LAMA3: variants seen among roughly 807,000 people sequenced by gnomAD.
LAMA3 encodes the protein laminin subunit alpha 3, also known as laminin subunit alpha-3.
LAMA3 carries 281 observed loss-of-function variants against 402.0 expected under a neutral mutation model. The observed-to-expected ratio is 0.70, with a 90% CI of 0.63 to 0.77. The LOEUF is 0.77. Among genes scored for constraint, LAMA3 ranks in the 30% least tolerant of loss-of-function variants. The pLI, the probability that LAMA3 is intolerant of heterozygous loss-of-function variation, is 0.00. For synonymous variants in LAMA3, 1,431 were observed against 1,558.4 expected (o/e 0.92, Z 1.93); for missense variants, 3,840 against 4,215.5 (o/e 0.91, Z 2.47).
At chr18:23,835,318 T>G (rs762880752) in intron 24 of LAMA3, among the ~76,000 whole-genome samples, 19 of 152,190 alleles carry the variant, frequency 1.2e-4, no homozygotes, top group Non-Finnish European at 2.5e-4. Flanking sequence ...GGAGGAACTA[T>G]TCATAACAAC....
At chr18:23,823,091 T>A (rs2063318485) in intron 20 of LAMA3, among the ~76,000 whole-genome samples, 1 of 152,172 alleles carries the variant, frequency 6.6e-6, no homozygotes, top group African/African-American at 2.4e-5. Context: ...GCATCCACGG[T>A]TCATTCAGAA....
chr18:23,777,052 C>T (rs1002626342), intron 10 of LAMA3, among the ~76,000 whole-genome samples: 1 of 151,924 alleles, frequency 6.6e-6, no homozygotes, highest in Non-Finnish European at 1.5e-5. Flanking sequence ...GTTGGTCAGG[C>T]TGGTCTTGAG....
chr18:23,761,259 T>C (rs2061962295), intron 7 of LAMA3, among the ~76,000 whole-genome samples: 1 of 152,226 alleles, frequency 6.6e-6, no homozygotes, highest in Admixed American at 6.5e-5. Context: ...CTATGCTCTA[T>C]TGCAAACAAA....
rs1019452738 is a variant in LAMA3, at chr18:23,909,300, G to A, written c.7158+5G>A. On this transcript the variant is annotated splice_donor_5th_base_variant and intron_variant, in intron 55 of 74. Transcript: ENST00000313654. ...GCCAGAGATGCTGCCAGTAAGGTGA[G>A]TGTGTCCCCACGTGGTCAGTGGCCA... 3 of 1,610,810 alleles carry A rather than the reference G, an allele frequency of 1.9e-6. No homozygotes were observed. The highest frequency in any genetic ancestry group is 1.3e-5 in the African/African-American group (1 of 74,934).
chr18:23,851,149 G>A (rs2063934891), intron 32 of LAMA3, among the ~76,000 whole-genome samples: 1 of 152,212 alleles, frequency 6.6e-6, no homozygotes, highest in African/African-American at 2.4e-5. Context: ...CAATTTCTTT[G>A]ATGCACTTCA....
rs2145504381 is a variant in LAMA3, at chr18:23,943,860, C to T, written c.9099C>T (p.Ser3033=). Residue 3033 remains serine, a synonymous_variant, in exon 69 of 75, where the codon TCC becomes TCT. Transcript: ENST00000313654. ...TGTTTCACACGGGCACTAAGAACTCCTTTATGGCTCTTTATCTTTCAAAAG... is the reference window on the plus strand; with the variant it reads ...TGTTTCACACGGGCACTAAGAACTCTTTTATGGCTCTTTATCTTTCAAAAG... The part of the protein sequence containing the change: ...GLVFHTGTKN[S]FMALYLSKGR... 6.2e-7 allele frequency: 1 copy of T among 1,613,974 alleles called. No homozygotes were observed. The highest frequency in any genetic ancestry group is 2.2e-5 in the East Asian group (1 of 44,894).
At chr18:23,709,828 T>C (rs1221815851) in intron 1 of LAMA3, 3 of 667,014 alleles carry the variant, frequency 4.5e-6, no homozygotes, top group Non-Finnish European at 8.4e-6. Flanking sequence ...GTTTAGATGA[T>C]CCCAATTTTG....
At chr18:23,883,087 G>C (rs1375942526) in intron 40 of LAMA3, among the ~76,000 whole-genome samples, 1 of 152,226 alleles carries the variant, frequency 6.6e-6, no homozygotes, top group Non-Finnish European at 1.5e-5. Flanking sequence ...CAAGGGCAGT[G>C]AGAAGGCAGG....
At chr18:23,740,418 TC>T (rs1379930147) in intron 2 of LAMA3, among the ~76,000 whole-genome samples, 2 of 151,996 alleles carry the variant, frequency 1.3e-5, no homozygotes, top group African/African-American at 4.8e-5. Context: ...TTTTTTTTTT[TC>T]CTGAAATCTT....
At chr18:23,792,044 C>T (rs1012338010) in intron 12 of LAMA3, among the ~76,000 whole-genome samples, 5 of 152,006 alleles carry the variant, frequency 3.3e-5, no homozygotes, top group Non-Finnish European at 7.4e-5. Flanking sequence ...TTTTATGACA[C>T]TTTCGACTCT....
intron 70 of LAMA3, among the ~76,000 whole-genome samples, chr18:23,948,158 A>G (rs912868744): frequency 6.6e-6 from 1 of 152,134 alleles, no homozygotes; most frequent in Admixed American, 6.5e-5. Flanking sequence ...GGATTTGGGT[A>G]TTCTTTGGCT....
At chr18:23,773,402 A>C in intron 8 of LAMA3, 95 bp from the exon 9 acceptor site, 1 of 810,002 alleles carries the variant, frequency 1.2e-6, no homozygotes, top group East Asian at 2.7e-5. Context: ...TTACAATTGT[A>C]TATGACAGAA....
chr18:23,934,005 G>A, intron 67 of LAMA3, 70 bp downstream of exon 67: 5 of 1,489,252 alleles, frequency 3.4e-6, no homozygotes, highest in Non-Finnish European at 4.7e-6. Flanking sequence ...CCTTGTGGGA[G>A]ATATTGGGGA....
chr18:23,869,144 G>GA (rs892858448), intron 37 of LAMA3, among the ~76,000 whole-genome samples: 3 of 152,086 alleles, frequency 2.0e-5, no homozygotes, highest in Admixed American at 6.5e-5. Flanking sequence ...GGCAAACAGG[G>GA]AAAAAAAGTT....
At chr18:23,751,608 G>A (rs1037976342) in intron 5 of LAMA3, among the ~76,000 whole-genome samples, 7 of 152,156 alleles carry the variant, frequency 4.6e-5, no homozygotes, top group African/African-American at 7.2e-5. Flanking sequence ...TCTCATCAGA[G>A]GTTACTTCTA....
At chr18:23,899,749 C>A in intron 47 of LAMA3, 1 of 324,954 alleles carries the variant, frequency 3.1e-6, no homozygotes, top group Non-Finnish European at 5.9e-6. Flanking sequence ...TGCTTATTCA[C>A]CTCTTTCCAG....
chr18:23,836,649 C>T (rs537977464), intron 24 of LAMA3, among the ~76,000 whole-genome samples: 15 of 152,190 alleles, frequency 9.9e-5, no homozygotes, highest in African/African-American at 3.6e-4. Flanking sequence ...TGAATAGCCC[C>T]GAGAATGTTG....
At chr18:23,779,831 G>A (rs1172875752) in intron 11 of LAMA3, among the ~76,000 whole-genome samples, 1 of 152,144 alleles carries the variant, frequency 6.6e-6, no homozygotes, top group African/African-American at 2.4e-5. Flanking sequence ...GTTATAACAG[G>A]ACCTCAGTTA....
chr18:23,735,516 A>G (rs1377573500), intron 2 of LAMA3, among the ~76,000 whole-genome samples: 1 of 151,924 alleles, frequency 6.6e-6, no homozygotes, highest in Non-Finnish European at 1.5e-5. Flanking sequence ...TAAGATCCCC[A>G]TTCCTGATCC....
Sources: gnomAD v4.1 joint callset for allele counts (sites outside exome capture counted in the v4.1 genomes callset) on GRCh38, gnomAD v4.1.1 for gene constraint, MANE v1.5 for transcripts, NCBI Gene and HGNC (gene_info 2026-07-23, HGNC 2026-07-21) for gene names.